FANCL: variants seen among roughly 807,000 people sequenced by gnomAD.
FANCL encodes the protein FA complementation group L.
Under a neutral mutation model 59.4 loss-of-function variants are expected in FANCL, and 69 were observed. The ratio of observed to expected loss-of-function variants is 1.16; its 90% CI spans 0.96 to 1.42. The LOEUF (loss-of-function observed/expected upper bound fraction) is 1.42. Among genes scored for constraint, FANCL ranks in the 40% most tolerant of loss-of-function variants. FANCL has a pLI of 0.00. For synonymous variants in FANCL, 180 were observed against 147.1 expected (o/e 1.22, Z -1.62); for missense variants, 519 against 447.2 (o/e 1.16, Z -1.45).
intron 1 of FANCL, among the ~76,000 whole-genome samples, chr2:58,237,882 T>C (rs1196569664): frequency 6.6e-6 from 1 of 152,208 alleles, no homozygotes; most frequent in East Asian, 1.9e-4. Flanking sequence ...AAAGAGAATG[T>C]GCATCTTTAT....
intron 7 of FANCL, among the ~76,000 whole-genome samples, chr2:58,186,700 G>A (rs1257218207): frequency 6.6e-6 from 1 of 151,724 alleles, no homozygotes; most frequent in African/African-American, 2.4e-5. Flanking sequence ...TATGCCTTGT[G>A]GCTTCCACAA....
chr2:58,175,437 T>G lies in FANCL; in HGVS notation c.541-9563A>C, dbSNP rs190421279. Among the ~76,000 whole-genome samples, 69 of 151,460 alleles carry G rather than the reference T, an allele frequency of 4.6e-4. 4 individuals are homozygous for G. The highest frequency in any genetic ancestry group is 1.7e-3 in the African/African-American group (69 of 40,734). On this transcript the variant is annotated intron_variant, in intron 7 of 13. Coordinates refer to ENST00000233741, the MANE Select transcript of FANCL (RefSeq NM_018062.4). ...AGCACATCAAAAACGTTATCCACCA[T>G]GATCAAGTGGGCTTCATCCCTGGGA...
intron 7 of FANCL, among the ~76,000 whole-genome samples, chr2:58,195,270 C>T (rs1573659533): frequency 6.6e-6 from 1 of 152,254 alleles, no homozygotes; most frequent in African/African-American, 2.4e-5. Context: ...AGAGTTCACA[C>T]TGCTGGTACC....
At chr2:58,227,038 C>T (rs1693077677) in intron 3 of FANCL, among the ~76,000 whole-genome samples, 1 of 152,210 alleles carries the variant, frequency 6.6e-6, no homozygotes, top group African/African-American at 2.4e-5. Flanking sequence ...TAAAACCTCA[C>T]ACTACTCTGT....
At chr2:58,197,031 G>GA (rs932978576) in intron 7 of FANCL, among the ~76,000 whole-genome samples, 47 of 148,120 alleles carry the variant, frequency 3.2e-4, no homozygotes, top group Admixed American at 8.0e-4. Flanking sequence ...TTCTTTAATA[G>GA]AAAAAAAAAT....
intron 5 of FANCL, among the ~76,000 whole-genome samples, chr2:58,218,940 CA>C (rs1347052218): frequency 1.3e-5 from 2 of 150,804 alleles, no homozygotes; most frequent in African/African-American, 4.9e-5. Flanking sequence ...AGTATAAACA[CA>C]TTTGTTTTCC....
chr2:58,219,013 C>A (rs1179091073), intron 5 of FANCL, among the ~76,000 whole-genome samples: 2 of 150,520 alleles, frequency 1.3e-5, no homozygotes, highest in African/African-American at 4.9e-5. Flanking sequence ...ACCCATAGTG[C>A]CCACATCCTA....
intron 1 of FANCL, 24 bp downstream of exon 1, chr2:58,241,194 A>G: frequency 6.2e-7 from 1 of 1,612,818 alleles, no homozygotes; most frequent in Non-Finnish European, 8.5e-7. Flanking sequence ...TCTCTTAGCT[A>G]GAAAGCAACC....
intron 7 of FANCL, among the ~76,000 whole-genome samples, chr2:58,189,535 A>T (rs775554655): frequency 6.6e-6 from 1 of 152,152 alleles, no homozygotes; most frequent in East Asian, 1.9e-4. Flanking sequence ...AGAGGGAAAG[A>T]TATATGTGAG....
At chr2:58,204,617 T>G (rs572874753) in intron 5 of FANCL, among the ~76,000 whole-genome samples, 165 of 152,158 alleles carry the variant, frequency 1.1e-3, no homozygotes, top group Middle Eastern at 3.4e-3. Context: ...GTATGAGACT[T>G]TAATGCTCCC....
At chr2:58,216,527 A>AT (rs1405410689) in intron 5 of FANCL, among the ~76,000 whole-genome samples, 2 of 152,184 alleles carry the variant, frequency 1.3e-5, no homozygotes, top group Non-Finnish European at 2.9e-5. Flanking sequence ...GAAAGAAAGA[A>AT]TAGTTACCTT....
At chr2:58,163,113 C>T (rs1392292448) in intron 9 of FANCL, 39 bp from the exon 10 acceptor site, 2 of 1,544,830 alleles carry the variant, frequency 1.3e-6, no homozygotes, top group South Asian at 1.1e-5. Context: ...ATTGCATGCT[C>T]TACTCTTGGT....
chr2:58,172,172 G>T (rs564011391), intron 7 of FANCL, among the ~76,000 whole-genome samples: 1 of 152,326 alleles, frequency 6.6e-6, no homozygotes, highest in South Asian at 2.1e-4. Flanking sequence ...CTGGGGACAC[G>T]GCACAGACAA....
At chr2:58,235,680 G>A (rs1267908020) in intron 1 of FANCL, among the ~76,000 whole-genome samples, 1 of 151,574 alleles carries the variant, frequency 6.6e-6, no homozygotes, top group Non-Finnish European at 1.5e-5. Flanking sequence ...ACAATGAAGA[G>A]AAAAATCAAG....
chr2:58,161,469 C>T (rs1685148974), intron 12 of FANCL, 53 bp downstream of exon 12: 6 of 1,086,566 alleles, frequency 5.5e-6, no homozygotes, highest in Non-Finnish European at 8.6e-6. Context: ...AACAGGAATA[C>T]TTCCTATGTT....
At chr2:58,202,271 G>C (rs1192812639) in intron 6 of FANCL, among the ~76,000 whole-genome samples, 1 of 140,126 alleles carries the variant, frequency 7.1e-6, no homozygotes, top group Non-Finnish European at 1.5e-5. Context: ...AGACTTCCTG[G>C]TTTTCTTCAA....
intron 5 of FANCL, among the ~76,000 whole-genome samples, chr2:58,209,645 T>G (rs776423906): frequency 2.6e-5 from 4 of 152,170 alleles, no homozygotes; most frequent in Non-Finnish European, 4.4e-5. Context: ...CACTAGGAAC[T>G]ATATGAGTCA....
chr2:58,198,046 C>CGT (rs1009109892), intron 7 of FANCL, among the ~76,000 whole-genome samples: 27 of 129,584 alleles, frequency 2.1e-4, no homozygotes, highest in Middle Eastern at 3.9e-3. Flanking sequence ...TGTGTGTGTG[C>CGT]GTGTGTGTGT....
chr2:58,162,849 A>T lies in FANCL; in HGVS notation c.903+17T>A, dbSNP rs777175455. On this transcript the variant is annotated intron_variant, in intron 11 of 13. Coordinates refer to ENST00000233741, the MANE Select transcript of FANCL (RefSeq NM_018062.4). ...ATGCAATACTGTCTGGAATATCAAA[A>T]CACTGATAAAACTTACAGATTTTTC... 79 of 1,600,386 alleles carry T rather than the reference A, an allele frequency of 4.9e-5. No homozygotes were observed. Among genetic ancestry groups the T allele is most frequent in the Non-Finnish European group, 6.8e-5 (79 of 1,168,794 alleles).
Sources: allele counts gnomAD v4.1 joint callset (sites outside exome capture counted in the v4.1 genomes callset), GRCh38; gene constraint gnomAD v4.1.1; transcripts MANE v1.5; gene names NCBI Gene and HGNC (gene_info 2026-07-23, HGNC 2026-07-21).